The following GLMN variants were observed in gnomAD, a reference collection of about 807,000 sequenced individuals.
GLMN encodes the protein glomulin.
GLMN carries 75 observed loss-of-function variants against 87.8 expected under a neutral mutation model. The ratio of observed to expected loss-of-function variants is 0.85; its 90% CI spans 0.71 to 1.04. GLMN has a LOEUF of 1.04. Ranked by LOEUF, GLMN falls within the 50% of genes least tolerant of loss-of-function variation. The probability of loss-of-function intolerance (pLI) is 0.00; values close to 1 mark genes in which losing one functional copy is unlikely to be tolerated. For synonymous variants in GLMN, 206 were observed against 221.6 expected, an observed-to-expected ratio of 0.93 and a Z score of 0.63; for missense variants, 588 against 658.8, an observed-to-expected ratio of 0.89 and a Z score of 1.18.
chr1:92,358,766 T>C, the GLMN span, among the ~76,000 whole-genome samples: 1 of 151,832 alleles, frequency 6.6e-6, no homozygotes, highest in Non-Finnish European at 1.5e-5. Flanking sequence ...AAAAAAAAAA[T>C]TGTAGAGATA....
chr1:92,354,916 T>A, the GLMN span, among the ~76,000 whole-genome samples: 1 of 150,112 alleles, frequency 6.7e-6, no homozygotes, highest in Non-Finnish European at 1.5e-5. Flanking sequence ...ATTATTATTA[T>A]TATTGAGACA....
At chr1:92,365,361 CT>C in the GLMN span, among the ~76,000 whole-genome samples, 1 of 151,476 alleles carries the variant, frequency 6.6e-6, no homozygotes, top group Non-Finnish European at 1.5e-5. Context: ...GTTTTCAATA[CT>C]GGCTATACAT....
chr1:92,296,100 T>A (rs1049616831), intron 3 of GLMN, among the ~76,000 whole-genome samples: 1 of 152,150 alleles, frequency 6.6e-6, no homozygotes, highest in African/African-American at 2.4e-5. Flanking sequence ...AGAGATGTTA[T>A]AATAATATAT....
intron 11 of GLMN, 100 bp from the exon 12 acceptor site, chr1:92,266,841 T>C: frequency 1.3e-6 from 1 of 769,042 alleles, no homozygotes; most frequent in Non-Finnish European, 2.2e-6. Context: ...TTCAGAGAAG[T>C]GAGGGTAGGA....
At chr1:92,338,843 C>T in the GLMN span, among the ~76,000 whole-genome samples, 1 of 151,886 alleles carries the variant, frequency 6.6e-6, no homozygotes, top group South Asian at 2.1e-4. Flanking sequence ...CTCTTGCCCT[C>T]AAGGGATCCT....
the GLMN span, chr1:92,324,353 C>G: frequency 6.2e-7 from 1 of 1,613,074 alleles, no homozygotes; most frequent in Admixed American, 1.7e-5. Flanking sequence ...GAAGAAACCA[C>G]CAAATCACAA....
At chr1:92,286,873 C>T (rs1211616382) in intron 6 of GLMN, among the ~76,000 whole-genome samples, 1 of 152,216 alleles carries the variant, frequency 6.6e-6, no homozygotes, top group Non-Finnish European at 1.5e-5. Flanking sequence ...CATTATGACA[C>T]AGCTAGAAGG....
At chr1:92,267,813 T>C (rs915083467) in intron 11 of GLMN, 100 bp downstream of exon 11, 8 of 755,490 alleles carry the variant, frequency 1.1e-5, no homozygotes, top group Admixed American at 3.7e-5. Flanking sequence ...TTTTCAAAGG[T>C]TGCAGAGAAA....
chr1:92,271,627 G>A lies in GLMN; in HGVS notation c.761C>T (p.Pro254Leu). The A allele has an allele frequency of 6.2e-7, 1 of 1,612,430 alleles. No homozygotes were observed. The highest frequency in any genetic ancestry group is 1.3e-5 in the African/African-American group (1 of 74,926). Residue 254 changes from proline to leucine, a missense_variant, in exon 8 of 19, where the codon CCT (proline) becomes CTT (leucine). Transcript: ENST00000370360. ...ATGATTAAAAATCATTTTGGGGAAA[G>A]GGTGTCCAATTGCTGATAAAAAACC... ...IIGFLSAIGH[P>L]FPKMIFNHGR...
the GLMN span, among the ~76,000 whole-genome samples, chr1:92,336,625 A>G: frequency 1.3e-5 from 2 of 152,278 alleles, no homozygotes; most frequent in Non-Finnish European, 2.9e-5. Flanking sequence ...TCAAGCCATT[A>G]TATATTTCAC....
the GLMN span, among the ~76,000 whole-genome samples, chr1:92,310,993 G>A: frequency 6.6e-6 from 1 of 152,134 alleles, no homozygotes; most frequent in Non-Finnish European, 1.5e-5. Flanking sequence ...TCTCATATAT[G>A]CATATAACTA....
the GLMN span, among the ~76,000 whole-genome samples, chr1:92,316,554 AT>A: frequency 6.6e-6 from 1 of 152,180 alleles, no homozygotes; most frequent in African/African-American, 2.4e-5. Context: ...CAATCATCTA[AT>A]TTATACCTTA....
chr1:92,350,915 G>C, the GLMN span, among the ~76,000 whole-genome samples: 1 of 150,364 alleles, frequency 6.7e-6, no homozygotes, highest in Non-Finnish European at 1.5e-5. Context: ...CTGGGCGACA[G>C]AGCAAGACTC....
At chr1:92,307,139 G>A in the GLMN span, 1 of 1,251,404 alleles carries the variant, frequency 8.0e-7, no homozygotes, top group South Asian at 1.3e-5. Context: ...CTGTATGTAG[G>A]TAATGTTTCA....
At chr1:92,268,686 T>A (rs1293520213) in intron 9 of GLMN, among the ~76,000 whole-genome samples, 1 of 152,226 alleles carries the variant, frequency 6.6e-6, no homozygotes, top group Non-Finnish European at 1.5e-5. Flanking sequence ...CTGCCTTGTA[T>A]GCTGAAGCTT....
chr1:92,311,092 C>G, the GLMN span, among the ~76,000 whole-genome samples: 8 of 152,166 alleles, frequency 5.3e-5, no homozygotes, highest in East Asian at 1.5e-3. Context: ...TTTTAAAATG[C>G]TGGCAGCAAC....
the GLMN span, among the ~76,000 whole-genome samples, chr1:92,349,464 A>T: frequency 6.6e-6 from 1 of 152,192 alleles, no homozygotes; most frequent in Non-Finnish European, 1.5e-5. Context: ...AACTCTTGTT[A>T]AAGGGGGAAA....
chr1:92,253,689 G>C (rs1290807510), intron 16 of GLMN, among the ~76,000 whole-genome samples: 1 of 152,190 alleles, frequency 6.6e-6, no homozygotes, highest in Non-Finnish European at 1.5e-5. Flanking sequence ...CTGACTGTTA[G>C]AAGGAAAACT....
At chr1:92,359,609 C>T in the GLMN span, among the ~76,000 whole-genome samples, 21 of 152,342 alleles carry the variant, frequency 1.4e-4, no homozygotes, top group East Asian at 5.8e-4. Flanking sequence ...CATGAGCCAT[C>T]GTGCCTGGCA....
Sources: allele counts gnomAD v4.1 joint callset (sites outside exome capture counted in the v4.1 genomes callset), GRCh38; gene constraint gnomAD v4.1.1; transcripts MANE v1.5; gene names NCBI Gene and HGNC (gene_info 2026-07-23, HGNC 2026-07-21).